The following MYO9B variants were observed in gnomAD, a reference collection of about 807,000 sequenced individuals.
The protein encoded by MYO9B is unconventional myosin-IXb.
Under a neutral mutation model 229.5 loss-of-function variants are expected in MYO9B, and 71 were observed. The ratio of observed to expected loss-of-function variants is 0.31; its 90% CI spans 0.26 to 0.38. MYO9B has a LOEUF of 0.38. Ranked by LOEUF, MYO9B falls within the 10% of genes least tolerant of loss-of-function variation. The probability of loss-of-function intolerance (pLI) is 1.00; values close to 1 mark genes in which losing one functional copy is unlikely to be tolerated. For synonymous variants in MYO9B, 1,185 were observed against 1,235.8 expected (o/e 0.96, Z 0.86); for missense variants, 2,255 against 2,920.5 (o/e 0.77, Z 5.25).
intron 20 of MYO9B, 73 bp from the exon 21 acceptor site, chr19:17,192,673 A>G (rs1018360635): frequency 5.9e-6 from 8 of 1,363,162 alleles, no homozygotes; most frequent in Non-Finnish European, 6.9e-6. Context: ...GGAGTGGGCT[A>G]TGCAGACCTC....
At chr19:17,194,182 T>C (rs1442946615) in intron 21 of MYO9B, among the ~76,000 whole-genome samples, 1 of 151,010 alleles carries the variant, frequency 6.6e-6, no homozygotes, top group Non-Finnish European at 1.5e-5. Context: ...AAAAATAAAA[T>C]AAAATAAAAT....
rs1486393694 is a variant in MYO9B, at chr19:17,205,285, G to A, written c.5013G>A (p.Lys1671=). The change falls in exon 31 of 40, where the codon AAG becomes AAA. Residue 1671 remains lysine, a synonymous_variant. Transcript: ENST00000682292. ...TAGTGTGCAAGATGACCTGCCACAAGAAGTGCGTGCACAAGATTCAGAGCC... is the reference window on the plus strand; with the variant it reads ...TAGTGTGCAAGATGACCTGCCACAAAAAGTGCGTGCACAAGATTCAGAGCC... ...LCSVCKMTCH[K]KCVHKIQSHC... The A allele has an allele frequency of 6.2e-7, 1 of 1,613,670 alleles. No homozygotes were observed. Among genetic ancestry groups the A allele is most frequent in the Non-Finnish European group, 8.5e-7 (1 of 1,179,844 alleles).
At chr19:17,176,738 C>G (rs1486391094) in intron 14 of MYO9B, among the ~76,000 whole-genome samples, 1 of 152,162 alleles carries the variant, frequency 6.6e-6, no homozygotes, top group Non-Finnish European at 1.5e-5. Context: ...GTTCTTCCCC[C>G]ATCCTGCCTG....
At chr19:17,131,019 C>G (rs2072189538) in intron 2 of MYO9B, among the ~76,000 whole-genome samples, 1 of 152,176 alleles carries the variant, frequency 6.6e-6, no homozygotes, top group African/African-American at 2.4e-5. Flanking sequence ...CCCCATACCC[C>G]AGGTACTATC....
At chr19:17,181,831 A>C (rs989363643) in intron 15 of MYO9B, among the ~76,000 whole-genome samples, 1 of 151,994 alleles carries the variant, frequency 6.6e-6, no homozygotes, top group Non-Finnish European at 1.5e-5. Flanking sequence ...GCTGGAGTGC[A>C]ATGGTATGAT....
intron 1 of MYO9B, among the ~76,000 whole-genome samples, chr19:17,085,402 G>A (rs183863710): frequency 3.9e-5 from 6 of 152,240 alleles, no homozygotes; most frequent in African/African-American, 1.4e-4. Context: ...GGGGCAGATG[G>A]GGGGCCAGGT....
rs773455678 is a variant in MYO9B, at chr19:17,102,406, G to A, written c.689G>A (p.Arg230His). 38 of 1,613,854 alleles carry A rather than the reference G, an allele frequency of 2.4e-5. No homozygotes were observed. Among genetic ancestry groups the A allele is most frequent in the Middle Eastern group, 1.6e-4 (1 of 6,084 alleles). ...GCCTACTACACCATGCTCAGGAAGC[G>A]CGTGAACCAGTGCATCGTGATCTCG... ...DVAYYTMLRK[R>H]VNQCIVISGE... The change falls in exon 2 of 40, where the codon CGC (arginine) becomes CAC (histidine). Residue 230 changes from arginine (R) to histidine (H), a missense_variant. Around this residue, in one of 7 missense-constraint regions of MYO9B, gnomAD observed 386 missense variants for 515.2 expected, o/e 0.75. Transcript: ENST00000682292.
rs146953617 is a variant in MYO9B at position 17,205,606 on chromosome 19, G to A, written c.5064+270G>A. Among the ~76,000 whole-genome samples, 12 of 152,286 alleles carry A rather than the reference G, an allele frequency of 7.9e-5. No individual in the cohort carries two copies. The East Asian group carries it at 2.3e-3, about 29-fold the overall frequency. On this transcript the variant is annotated intron_variant, in intron 31 of 39. Transcript: ENST00000682292. Reference sequence around the variant, plus strand: ...GAGAGAGTCCTGAGCCATGCAGAGGGAGGCCCCCCAACTCTGTGCATAAGG... The same window carrying A: ...GAGAGAGTCCTGAGCCATGCAGAGGAAGGCCCCCCAACTCTGTGCATAAGG...
chr19:17,101,762 G>T lies in MYO9B; in HGVS notation c.45G>T (p.Ala15=), dbSNP rs368743832. ...EAGSSGRREQ[A]AYHLHIYPQL... ...GCAGCTCGGGCCGCCGGGAGCAGGC[G>T]GCCTACCACCTGCACATCTACCCCC... The change falls in exon 2 of 40, where the codon GCG becomes GCT. Residue 15 remains alanine, a synonymous_variant. Transcript: ENST00000682292. This position sits in a 1 kb window ranked among gnomAD's most constrained non-coding sequence, Gnocchi z 4.7. The T allele has an allele frequency of 1.3e-6, 2 of 1,597,310 alleles. No homozygotes were observed. Among genetic ancestry groups the T allele is most frequent in the African/African-American group, 2.7e-5 (2 of 74,746 alleles).
chr19:17,119,545 G>C (rs953506291), intron 2 of MYO9B, among the ~76,000 whole-genome samples: 9 of 152,176 alleles, frequency 5.9e-5, no homozygotes, highest in African/African-American at 2.2e-4. Flanking sequence ...GCCACGTAAA[G>C]AAAAGCAGAG....
rs371547228 is a variant in MYO9B, at chr19:17,212,119, C to A, written c.6283C>A (p.Arg2095=). ...PGAREAAAPV[R]RREPPARRPD... Reference sequence around the variant, plus strand: ...TGCCCGGGAGGCGGCTGCCCCAGTGCGGCGCCGGGAGCCACCTGCCCGCCG... The same window carrying A: ...TGCCCGGGAGGCGGCTGCCCCAGTGAGGCGCCGGGAGCCACCTGCCCGCCG... The change falls in exon 40 of 40, where the codon CGG becomes AGG. Residue 2095 remains arginine, a synonymous_variant. Coordinates refer to ENST00000682292, the MANE Select transcript of MYO9B (RefSeq NM_004145.4). The surrounding 1 kb of genome is among the most constrained non-coding windows in gnomAD (Gnocchi z 5.4). 96 of 1,589,138 alleles carry A rather than the reference C, an allele frequency of 6.0e-5. 1 individual carries two copies. The South Asian group carries it at 1.0e-3, about 17-fold the overall frequency.
chr19:17,125,852 G>T (rs2058012006), intron 2 of MYO9B, among the ~76,000 whole-genome samples: 1 of 152,176 alleles, frequency 6.6e-6, no homozygotes, highest in Non-Finnish European at 1.5e-5. Context: ...AGGGGCCCTG[G>T]AGAGCCTCCA....
chr19:17,132,270 C>T (rs1352215123), intron 2 of MYO9B, among the ~76,000 whole-genome samples: 1 of 141,360 alleles, frequency 7.1e-6, no homozygotes, highest in Non-Finnish European at 1.5e-5. Flanking sequence ...ACTGCAACCT[C>T]CACCTCCTGG....
At chr19:17,210,918 G>A in intron 38 of MYO9B, 70 bp downstream of exon 38, 2 of 1,550,368 alleles carry the variant, frequency 1.3e-6, no homozygotes, top group South Asian at 1.2e-5. Context: ...TCCATCCCTG[G>A]TGGTCCGCTT....
At chr19:17,137,785 C>T (rs528047111) in intron 2 of MYO9B, among the ~76,000 whole-genome samples, 3 of 152,028 alleles carry the variant, frequency 2.0e-5, no homozygotes, top group African/African-American at 7.2e-5. Context: ...GCTCTGTCGC[C>T]GAGGCTGGAG....
chr19:17,144,987 A>AAG (rs1555697615), intron 2 of MYO9B, among the ~76,000 whole-genome samples: 12 of 137,072 alleles, frequency 8.8e-5, no homozygotes, highest in East Asian at 2.3e-4. Context: ...AAAAAAAAAA[A>AAG]AAAAGAAAAA....
rs200523722 is a variant in MYO9B at position 17,202,184 on chromosome 19, G to A, written c.4717G>A (p.Val1573Ile). ...KDLMENYQIVVSNLATERGQK... is the reference protein window; with the variant it reads ...KDLMENYQIVISNLATERGQK... ...TCTGATGGAGAACTACCAGATCGTC[G>A]TCAGCAACCTGGCCACTGAGCGTGG... Residue 1573 changes from valine to isoleucine, a missense_variant, in exon 28 of 40, where the codon GTC becomes ATC. Transcript: ENST00000682292. 305 of 1,613,548 alleles carry A rather than the reference G, an allele frequency of 1.9e-4. No homozygotes were observed. The highest frequency in any genetic ancestry group is 2.3e-4 in the Non-Finnish European group (273 of 1,179,794).
At chr19:17,183,795 T>C (rs1312742965) in intron 15 of MYO9B, 34 bp from the exon 16 acceptor site, 1 of 1,540,832 alleles carries the variant, frequency 6.5e-7, no homozygotes, top group Non-Finnish European at 8.8e-7. Flanking sequence ...CTGTGTTCCT[T>C]TTGTTCACAA....
In MYO9B at chr19:17,172,176, C is replaced by T. The variant is rs570627593; in HGVS notation, c.1794-160C>T. 6.6e-6 allele frequency among the ~76,000 whole-genome samples: 1 copy of T among 152,260 alleles called. No individual in the cohort carries two copies. Among genetic ancestry groups the T allele is most frequent in the East Asian group, 1.9e-4 (1 of 5,182 alleles). Reference sequence around the variant, plus strand: ...CTGTCATTCCTTCCTTTCTTCACTCCTTCACCCACCCCTCTGTGCACAGAG... The same window carrying T: ...CTGTCATTCCTTCCTTTCTTCACTCTTTCACCCACCCCTCTGTGCACAGAG... On this transcript the variant is annotated intron_variant, in intron 11 of 39. Coordinates refer to ENST00000682292, the MANE Select transcript of MYO9B (RefSeq NM_004145.4). The surrounding 1 kb of genome is among the most constrained non-coding windows in gnomAD (Gnocchi z 8.2).
Sources: gnomAD v4.1 joint callset for allele counts (sites outside exome capture counted in the v4.1 genomes callset) on GRCh38, gnomAD v4.1.1 for gene constraint, gnomAD v4.1.1 regional missense constraint, Gnocchi (gnomAD v3.1) non-coding constraint, MANE v1.5 for transcripts, NCBI Gene and HGNC (gene_info 2026-07-23, HGNC 2026-07-21) for gene names.